DCDC1: variants seen among roughly 807,000 people sequenced by gnomAD.
DCDC1 encodes the protein doublecortin domain containing 1.
DCDC1 carries 200 observed loss-of-function variants against 178.3 expected under a neutral mutation model. The ratio of observed to expected loss-of-function variants is 1.12; its 90% CI spans 1.00 to 1.26. The LOEUF (loss-of-function observed/expected upper bound fraction) is 1.26. DCDC1 is among the 50% of genes most tolerant of loss of function. DCDC1 has a pLI of 0.00. For synonymous variants in DCDC1, 690 were observed against 604.8 expected (o/e 1.14, Z -2.07); for missense variants, 1,983 against 1,749.2 (o/e 1.13, Z -2.38).
At chr11:30,937,150 A>G (rs933148252) in intron 21 of DCDC1, among the ~76,000 whole-genome samples, 1 of 152,152 alleles carries the variant, frequency 6.6e-6, no homozygotes, top group African/African-American at 2.4e-5. Context: ...AACATGTAAG[A>G]GTGACCCCTC....
chr11:31,307,471 C>T, intron 4 of DCDC1, 168 bp downstream of exon 4: 1 of 808,356 alleles, frequency 1.2e-6, no homozygotes, highest in Non-Finnish European at 1.9e-6. Flanking sequence ...GTGTAATTAA[C>T]AACATTCTAC....
chr11:31,082,726 T>A (rs912546120), intron 17 of DCDC1, among the ~76,000 whole-genome samples: 2 of 152,092 alleles, frequency 1.3e-5, no homozygotes, highest in African/African-American at 4.8e-5. Flanking sequence ...TTTGTATGTG[T>A]TTATACACTC....
intron 38 of DCDC1, among the ~76,000 whole-genome samples, chr11:30,868,759 A>G (rs1200871395): frequency 6.6e-6 from 1 of 152,212 alleles, no homozygotes; most frequent in African/African-American, 2.4e-5. Context: ...GCTGCTGAGT[A>G]AATATGCTCA....
intron 11 of DCDC1, among the ~76,000 whole-genome samples, chr11:31,122,180 T>A (rs1960909929): frequency 6.6e-6 from 1 of 152,128 alleles, no homozygotes; most frequent in African/African-American, 2.4e-5. Flanking sequence ...CTTTGCTCCA[T>A]GTGTCTTCAG....
At chr11:30,936,907 G>A (rs538853916) in intron 21 of DCDC1, among the ~76,000 whole-genome samples, 129 of 152,242 alleles carry the variant, frequency 8.5e-4, no homozygotes, top group Non-Finnish European at 1.4e-3. Flanking sequence ...AAATAGCAAT[G>A]GGATATTGCT....
intron 1 of DCDC1, among the ~76,000 whole-genome samples, chr11:31,350,663 T>C (rs2133293514): frequency 6.6e-6 from 1 of 152,286 alleles, no homozygotes; most frequent in East Asian, 1.9e-4. Flanking sequence ...TCAGAAACAA[T>C]ATGCTCATTG....
intron 3 of DCDC1, among the ~76,000 whole-genome samples, chr11:31,322,402 T>G (rs1949414636): frequency 6.6e-6 from 1 of 152,226 alleles, no homozygotes; most frequent in African/African-American, 2.4e-5. Flanking sequence ...GAATTCATCT[T>G]CCTTATATGT....
At chr11:30,942,454 G>A (rs924435883) in intron 21 of DCDC1, among the ~76,000 whole-genome samples, 1 of 152,138 alleles carries the variant, frequency 6.6e-6, no homozygotes, top group Non-Finnish European at 1.5e-5. Context: ...CTGTTGCATT[G>A]AAGTCTTGGT....
intron 9 of DCDC1, among the ~76,000 whole-genome samples, chr11:31,165,472 C>T (rs1389837030): frequency 2.0e-5 from 3 of 152,022 alleles, no homozygotes; most frequent in Non-Finnish European, 2.9e-5. Context: ...TTACCACGCT[C>T]AGCTAATTTT....
intron 20 of DCDC1, among the ~76,000 whole-genome samples, chr11:30,977,492 A>G (rs1044216751): frequency 3.3e-5 from 5 of 152,204 alleles, no homozygotes; most frequent in African/African-American, 7.2e-5. Context: ...ACAAAATACC[A>G]TAGTTTGCTT....
chr11:31,235,288 A>G (rs1433957616), intron 9 of DCDC1, among the ~76,000 whole-genome samples: 1 of 152,006 alleles, frequency 6.6e-6, no homozygotes, highest in Non-Finnish European at 1.5e-5. Flanking sequence ...AGTGTATTAG[A>G]AAAAATGCAT....
intron 13 of DCDC1, among the ~76,000 whole-genome samples, chr11:31,106,505 A>G (rs1356533833): frequency 1.3e-5 from 2 of 152,220 alleles, no homozygotes; most frequent in African/African-American, 2.4e-5. Flanking sequence ...TCCATCTGCT[A>G]TCATTAAGGT....
At chr11:30,981,507 A>C (rs1950393703) in intron 20 of DCDC1, among the ~76,000 whole-genome samples, 1 of 152,182 alleles carries the variant, frequency 6.6e-6, no homozygotes. Context: ...GTGTGTGATT[A>C]TTCTTATTAT....
At chr11:31,243,101 A>G (rs1977372669) in intron 8 of DCDC1, among the ~76,000 whole-genome samples, 1 of 151,838 alleles carries the variant, frequency 6.6e-6, no homozygotes, top group African/African-American at 2.4e-5. Flanking sequence ...TCTAAGTCTT[A>G]TAACAAACAA....
intron 8 of DCDC1, among the ~76,000 whole-genome samples, chr11:31,246,902 T>A (rs1309020039): frequency 6.6e-6 from 1 of 152,046 alleles, no homozygotes; most frequent in Non-Finnish European, 1.5e-5. Flanking sequence ...CTACCCAAAT[T>A]TGGATTTTTC....
intron 20 of DCDC1, among the ~76,000 whole-genome samples, chr11:31,023,502 G>C (rs1953024783): frequency 1.3e-5 from 2 of 151,950 alleles, no homozygotes; most frequent in Non-Finnish European, 2.9e-5. Flanking sequence ...GAAGGGCAGA[G>C]TTGAAAAATG....
chr11:31,152,042 C>A (rs940852042), intron 9 of DCDC1, among the ~76,000 whole-genome samples: 1 of 152,174 alleles, frequency 6.6e-6, no homozygotes, highest in Admixed American at 6.5e-5. Flanking sequence ...TGTCTCATAA[C>A]ATCACATCAT....
chr11:31,188,085 T>G (rs1969717796), intron 9 of DCDC1, among the ~76,000 whole-genome samples: 1 of 152,280 alleles, frequency 6.6e-6, no homozygotes, highest in East Asian at 1.9e-4. Context: ...CTGCCTCAAA[T>G]AGCTGGGACT....
intron 20 of DCDC1, among the ~76,000 whole-genome samples, chr11:31,052,501 G>T (rs1448347058): frequency 2.0e-5 from 3 of 152,102 alleles, no homozygotes; most frequent in Non-Finnish European, 4.4e-5. Flanking sequence ...GGAACAAATA[G>T]ACTTAACAGA....
Sources: gnomAD v4.1 joint callset for allele counts (sites outside exome capture counted in the v4.1 genomes callset) on GRCh38, gnomAD v4.1.1 for gene constraint, MANE v1.5 for transcripts, NCBI Gene and HGNC (gene_info 2026-07-23, HGNC 2026-07-21) for gene names.